B3GAT2: variants seen among roughly 807,000 people sequenced by gnomAD.
B3GAT2 encodes galactosylgalactosylxylosylprotein 3-beta-glucuronosyltransferase 2.
In B3GAT2, 26 loss-of-function variants were observed where a neutral mutation model predicts 27.8. The ratio of observed to expected loss-of-function variants is 0.93; its 90% CI spans 0.68 to 1.30. B3GAT2 has a LOEUF of 1.30. Ranked by LOEUF, B3GAT2 falls within the 50% of genes most tolerant of loss-of-function variation. B3GAT2 has a pLI of 0.00. For synonymous variants in B3GAT2, 218 were observed against 195.1 expected (o/e 1.12, Z -0.98); for missense variants, 458 against 459.0 (o/e 1.00, Z 0.02).
chr6:70,914,127 TTTC>T (rs985243819), intron 1 of B3GAT2, among the ~76,000 whole-genome samples: 66 of 152,264 alleles, frequency 4.3e-4, no homozygotes, highest in Middle Eastern at 3.4e-3. Flanking sequence ...TTGTGACTTA[TTTC>T]TTCTTCTTTT....
chr6:70,888,521 C>T (rs1772228623), intron 2 of B3GAT2, among the ~76,000 whole-genome samples: 1 of 151,984 alleles, frequency 6.6e-6, no homozygotes, highest in African/African-American at 2.4e-5. Context: ...TATTTAAGAC[C>T]TCCTCTCACC....
intron 1 of B3GAT2, among the ~76,000 whole-genome samples, chr6:70,938,904 C>T (rs1765340600): frequency 6.6e-6 from 1 of 151,612 alleles, no homozygotes; most frequent in Non-Finnish European, 1.5e-5. Flanking sequence ...CAAATGGGAT[C>T]TAATTAAACT....
Position 70,859,379 on chromosome 6 carries a change from C to T in B3GAT2, c.*2284G>A, listed in dbSNP as rs559731740. The stretch of plus-strand genomic sequence containing the variant: ...TCCAGCACTCCATCAGTGCAATCTA[C>T]TGGCCAATGACAAGGTGGTTAAAAT... On this transcript the variant is annotated 3_prime_UTR_variant, in exon 4 of 4. Coordinates refer to ENST00000230053, the MANE Select transcript of B3GAT2 (RefSeq NM_080742.3). The T allele has an allele frequency of 6.5e-7, 1 of 1,549,480 alleles. No individual in the cohort carries two copies. Among genetic ancestry groups the T allele is most frequent in the African/African-American group, 1.4e-5 (1 of 73,120 alleles).
At chr6:70,923,055 A>G (rs1028056613) in intron 1 of B3GAT2, among the ~76,000 whole-genome samples, 1 of 152,324 alleles carries the variant, frequency 6.6e-6, no homozygotes, top group Non-Finnish European at 1.5e-5. Context: ...ATAAAGGACT[A>G]TGGTTCTGCT....
At chr6:70,870,234 C>T (rs1451801077) in intron 2 of B3GAT2, among the ~76,000 whole-genome samples, 1 of 151,794 alleles carries the variant, frequency 6.6e-6, no homozygotes, top group Non-Finnish European at 1.5e-5. Flanking sequence ...AGTTCATGTC[C>T]TTTGTAGGGA....
chr6:70,913,305 T>C (rs1461485172), intron 1 of B3GAT2, among the ~76,000 whole-genome samples: 4 of 152,224 alleles, frequency 2.6e-5, no homozygotes, highest in African/African-American at 9.6e-5. Flanking sequence ...TTTAGTGCTA[T>C]AAACTTCCCT....
chr6:70,924,142 A>G (rs1479723768), intron 1 of B3GAT2, among the ~76,000 whole-genome samples: 3 of 152,192 alleles, frequency 2.0e-5, no homozygotes, highest in Non-Finnish European at 4.4e-5. Flanking sequence ...TTAATAAAAC[A>G]CTTCCCCCAA....
At chr6:70,870,756 C>T (rs1043660955) in intron 2 of B3GAT2, among the ~76,000 whole-genome samples, 7 of 151,974 alleles carry the variant, frequency 4.6e-5, no homozygotes, top group Admixed American at 3.3e-4. Context: ...ATCTGGATGC[C>T]TTTTATAAGC....
intron 1 of B3GAT2, among the ~76,000 whole-genome samples, chr6:70,894,702 C>T (rs1427646386): frequency 1.3e-5 from 2 of 152,198 alleles, no homozygotes; most frequent in Non-Finnish European, 1.5e-5. Flanking sequence ...AGCGTCCTTT[C>T]TCTGACTTTT....
At chr6:70,876,739 T>G (rs1384664355) in intron 2 of B3GAT2, among the ~76,000 whole-genome samples, 1 of 152,178 alleles carries the variant, frequency 6.6e-6, no homozygotes, top group Non-Finnish European at 1.5e-5. Flanking sequence ...GGCCCATTGC[T>G]GGTTTTCAGT....
chr6:70,907,409 G>A (rs1434131824), intron 1 of B3GAT2, among the ~76,000 whole-genome samples: 4 of 152,216 alleles, frequency 2.6e-5, no homozygotes, highest in African/African-American at 9.7e-5. Context: ...TGTGAGGACG[G>A]CAGGGTGGAG....
At chr6:70,874,669 G>T (rs1771985570) in intron 2 of B3GAT2, among the ~76,000 whole-genome samples, 1 of 152,180 alleles carries the variant, frequency 6.6e-6, no homozygotes, top group South Asian at 2.1e-4. Flanking sequence ...AGGGAGCTGT[G>T]ATGGTAAACA....
Position 70,860,537 on chromosome 6 carries a change from G to T in B3GAT2, c.*1126C>A. 1 of 503,248 alleles carries T rather than the reference G, an allele frequency of 2.0e-6. No individual in the cohort carries two copies. Among genetic ancestry groups the T allele is most frequent in the South Asian group, 6.6e-5 (1 of 15,232 alleles). 31.2% of individuals were successfully genotyped at this position (503,248 alleles called of 1,614,324 possible). ...GGTTGATAAATCATTTTATGTCAAG[G>T]GCAGCTTTGCTCATATTTCCCATGA... On this transcript the variant is annotated 3_prime_UTR_variant, in exon 4 of 4. Coordinates refer to ENST00000230053, the MANE Select transcript of B3GAT2 (RefSeq NM_080742.3).
intron 1 of B3GAT2, among the ~76,000 whole-genome samples, chr6:70,937,470 T>C (rs913151636): frequency 6.6e-6 from 1 of 152,116 alleles, no homozygotes; most frequent in African/African-American, 2.4e-5. Context: ...TTTAGACCAA[T>C]ATCCTTGATG....
intron 1 of B3GAT2, among the ~76,000 whole-genome samples, chr6:70,905,885 C>CTGTG (rs36123503): frequency 6.6e-6 from 1 of 150,694 alleles, no homozygotes; most frequent in Non-Finnish European, 1.5e-5. Flanking sequence ...TCTCCTGGCA[C>CTGTG]TGTGTGTGTG....
In B3GAT2 at chr6:70,956,401, A is replaced by G; in HGVS notation, c.29T>C (p.Phe10Ser). 1 of 1,552,554 alleles carries G rather than the reference A, an allele frequency of 6.4e-7. No homozygotes were observed. Residue 10 changes from phenylalanine (F) to serine (S), a missense_variant, in exon 1 of 4, where the codon TTT (phenylalanine) becomes TCT (serine). Transcript: ENST00000230053. Reference sequence around the variant, plus strand: ...AATTAGGATCCAGGGCAGGAGGATAAAGAAGCGGGTGAAAAGCGCGGACTT... The same window carrying G: ...AATTAGGATCCAGGGCAGGAGGATAGAGAAGCGGGTGAAAAGCGCGGACTT... The part of the protein sequence containing the change: MKSALFTRF[F>S]ILLPWILIVI...
Position 70,858,201 on chromosome 6 carries a change from C to T in B3GAT2, c.*3462G>A. 6.2e-7 allele frequency: 1 copy of T among 1,613,202 alleles called. No individual in the cohort carries two copies. Among genetic ancestry groups the T allele is most frequent in the African/African-American group, 1.3e-5 (1 of 74,882 alleles). On this transcript the variant is annotated 3_prime_UTR_variant, in exon 4 of 4. Coordinates refer to ENST00000230053, the MANE Select transcript of B3GAT2 (RefSeq NM_080742.3). ...CAGAGTAAGTTTGGCCTGCCGCAAG[C>T]TCAGCAGCCCCAGTGGAGCCTCTCA...
intron 1 of B3GAT2, among the ~76,000 whole-genome samples, chr6:70,935,162 G>A (rs563544714): frequency 5.1e-4 from 77 of 151,940 alleles, no homozygotes; most frequent in Non-Finnish European, 8.7e-4. Context: ...ATATCCAAAC[G>A]TGGCCAGGTG....
intron 1 of B3GAT2, among the ~76,000 whole-genome samples, chr6:70,895,957 C>T (rs777707196): frequency 1.3e-5 from 2 of 151,972 alleles, no homozygotes; most frequent in African/African-American, 4.8e-5. Context: ...GGCTAGTGTC[C>T]GGGAACACAG....
Sources: gnomAD v4.1 joint callset for allele counts (sites outside exome capture counted in the v4.1 genomes callset) on GRCh38, gnomAD v4.1.1 for gene constraint, MANE v1.5 for transcripts, NCBI Gene and HGNC (gene_info 2026-07-23, HGNC 2026-07-21) for gene names.